Variants in ABCA12 observed in about 807,000 individuals in gnomAD.
ABCA12 encodes the protein ATP binding cassette subfamily A member 12, also known as glucosylceramide transporter ABCA12.
ABCA12 carries 156 observed loss-of-function variants against 293.5 expected under a neutral mutation model. The ratio of observed to expected loss-of-function variants is 0.53; its 90% CI spans 0.47 to 0.61. ABCA12 has a LOEUF of 0.61. ABCA12 is among the 20% of genes least tolerant of loss of function. The pLI is 0.00. For missense variants in ABCA12, 2,797 were observed against 3,090.2 expected (o/e 0.91, Z 2.25); for synonymous variants, 1,063 against 1,108.0 (o/e 0.96, Z 0.81).
intron 2 of ABCA12, among the ~76,000 whole-genome samples, chr2:215,088,275 C>T (rs1366990956): frequency 1.3e-5 from 2 of 152,052 alleles, no homozygotes; most frequent in South Asian, 2.1e-4. Flanking sequence ...TGAACTAAGA[C>T]AATTGTAGCA....
chr2:215,094,704 C>A (rs968179089), intron 2 of ABCA12, among the ~76,000 whole-genome samples: 5 of 152,148 alleles, frequency 3.3e-5, no homozygotes, highest in African/African-American at 1.2e-4. Context: ...ATACTCAGCC[C>A]CATGAATAGC....
chr2:214,936,938 G>GGA (rs1698238349), intron 51 of ABCA12, among the ~76,000 whole-genome samples: 1 of 147,704 alleles, frequency 6.8e-6, no homozygotes, highest in Non-Finnish European at 1.5e-5. Context: ...CCTTTGTGAG[G>GGA]AAAAAAAAAA....
rs757517407 is a variant in ABCA12 at position 214,970,335 on chromosome 2, G to A, written c.5628C>T (p.Asn1876=). Reference sequence around the variant, plus strand: ...AATTTTCCACTCGTTGCCCAGTGAGGTTATAAATTACCTGGGATGAGTAAG... The same window carrying A: ...AATTTTCCACTCGTTGCCCAGTGAGATTATAAATTACCTGGGATGAGTAAG... ...RRTYSSQVIY[N]LTGQRVENYL... The change falls in exon 37 of 53, where the codon AAC becomes AAT. Residue 1876 remains asparagine (N), a synonymous_variant. Transcript: ENST00000272895. 1 of 1,613,052 alleles carries A rather than the reference G, an allele frequency of 6.2e-7. No homozygotes were observed. Among genetic ancestry groups the A allele is most frequent in the Non-Finnish European group, 8.5e-7 (1 of 1,179,380 alleles).
At chr2:215,100,081 C>G (rs953573996) in intron 2 of ABCA12, among the ~76,000 whole-genome samples, 5 of 151,650 alleles carry the variant, frequency 3.3e-5, no homozygotes, top group Non-Finnish European at 5.9e-5. Context: ...GTGGCACAAT[C>G]ATGGCTCACT....
chr2:215,115,159 G>A (rs1260619441), intron 1 of ABCA12, among the ~76,000 whole-genome samples: 1 of 152,092 alleles, frequency 6.6e-6, no homozygotes, highest in Non-Finnish European at 1.5e-5. Context: ...GCCTATAAAC[G>A]AATCTATTAT....
intron 19 of ABCA12, among the ~76,000 whole-genome samples, chr2:215,007,095 G>A (rs1700271967): frequency 6.6e-6 from 1 of 151,988 alleles, no homozygotes. Flanking sequence ...GGCTGGTCTT[G>A]AACTCCCGAC....
intron 51 of ABCA12, among the ~76,000 whole-genome samples, chr2:214,937,234 T>C (rs1698248437): frequency 1.3e-5 from 2 of 152,224 alleles, no homozygotes. Context: ...AGTCTCGCTT[T>C]GTCACCCAGG....
rs370459817 is a variant in ABCA12 at position 215,037,020 on chromosome 2, G to C, written c.918C>G (p.Asn306Lys). The change falls in exon 8 of 53, where the codon AAC becomes AAG. Residue 306 changes from asparagine to lysine, a missense_variant. Asn to Lys is a moderately conservative substitution (Grantham distance 94, BLOSUM62 0). Coordinates refer to ENST00000272895, the MANE Select transcript of ABCA12 (RefSeq NM_173076.3). ...ACTTCTGGAGGGTTCTGAAACCTTC[G>C]TTAGTTGCAAAACGTGGATAAACCT... is the stretch of plus-strand genomic sequence containing the variant. ...VQKVYPRFAT[N>K]EGFRTLQKSV... 1 of 1,613,880 alleles carries C rather than the reference G, an allele frequency of 6.2e-7. No homozygotes were observed. Among genetic ancestry groups the C allele is most frequent in the African/African-American group, 1.3e-5 (1 of 75,026 alleles).
At chr2:214,959,833 AAAGTC>A (rs777176273) in intron 39 of ABCA12, among the ~76,000 whole-genome samples, 37 of 152,310 alleles carry the variant, frequency 2.4e-4, no homozygotes, top group Non-Finnish European at 5.0e-4. Context: ...TTGGTTAGCC[AAAGTC>A]AAGAATGAGC....
At chr2:214,991,864 C>T (rs894731955) in intron 23 of ABCA12, among the ~76,000 whole-genome samples, 2 of 152,000 alleles carry the variant, frequency 1.3e-5, no homozygotes, top group African/African-American at 4.8e-5. Flanking sequence ...CTGGGAACAT[C>T]ACACACCAGG....
chr2:215,060,124 C>T (rs1391597432), intron 3 of ABCA12, among the ~76,000 whole-genome samples: 1 of 152,022 alleles, frequency 6.6e-6, no homozygotes, highest in Non-Finnish European at 1.5e-5. Flanking sequence ...AACTATTCAC[C>T]ATTTGTTGTC....
rs34835810 is a variant in ABCA12 at position 215,105,601 on chromosome 2, G to GCACA, written c.163+5992_163+5995dup. On this transcript the variant is annotated intron_variant, in intron 2 of 52. Transcript: ENST00000272895. ...AAGACACACACACACACACACACAC[G>GCACA]CACACACACACACACACACACGCAC... Among the ~76,000 whole-genome samples, 1,044 of 138,424 alleles carry GCACA rather than the reference G, an allele frequency of 7.5e-3. 13 individuals carry two copies. Among genetic ancestry groups the GCACA allele is most frequent in the African/African-American group, 0.026 (973 of 36,806 alleles). 90.8% of individuals were successfully genotyped at this position (138,424 alleles called of 152,430 possible). A position where few individuals can be genotyped will look rare whatever the true frequency, so the allele number is the denominator to read the frequency against.
intron 10 of ABCA12, 137 bp from the exon 11 acceptor site, chr2:215,025,916 G>T: frequency 1.6e-6 from 1 of 627,704 alleles, no homozygotes; most frequent in Non-Finnish European, 2.8e-6. Flanking sequence ...AACATAAGAT[G>T]AATGAAAATT....
intron 50 of ABCA12, among the ~76,000 whole-genome samples, chr2:214,941,565 T>C (rs1324931625): frequency 6.6e-6 from 1 of 152,152 alleles, no homozygotes; most frequent in African/African-American, 2.4e-5. Context: ...AGTCTTCCCC[T>C]GTGATTGTGT....
intron 27 of ABCA12, 43 bp from the exon 28 acceptor site, chr2:214,986,771 G>A: frequency 6.5e-7 from 1 of 1,542,644 alleles, no homozygotes; most frequent in Admixed American, 1.7e-5. Context: ...CACAAGTAAG[G>A]TAATGCAGCT....
intron 3 of ABCA12, 131 bp from the exon 4 acceptor site, chr2:215,054,795 GGAA>G: frequency 2.9e-6 from 2 of 689,648 alleles, no homozygotes; most frequent in Non-Finnish European, 5.1e-6. Flanking sequence ...GGATTTTAAT[GGAA>G]GAATTCACCT....
intron 1 of ABCA12, among the ~76,000 whole-genome samples, chr2:215,133,410 G>A (rs556037145): frequency 2.0e-5 from 3 of 151,630 alleles, no homozygotes; most frequent in Non-Finnish European, 3.0e-5. Context: ...TAATGTGTAG[G>A]TTTGGTCACT....
intron 19 of ABCA12, chr2:215,004,749 C>T (rs1700217743): frequency 1.2e-5 from 2 of 172,490 alleles, no homozygotes; most frequent in Non-Finnish European, 2.5e-5. Context: ...TCTACTACTT[C>T]CTAGCCTGAA....
In ABCA12 at chr2:215,019,751, T is replaced by C. The variant is rs998945493; in HGVS notation, c.1333A>G (p.Thr445Ala). 6.2e-7 allele frequency: 1 copy of C among 1,613,918 alleles called. No homozygotes were observed. Among genetic ancestry groups the C allele is most frequent in the Non-Finnish European group, 8.5e-7 (1 of 1,180,032 alleles). Residue 445 changes from threonine to alanine, a missense_variant, in exon 12 of 53, where the codon ACT (threonine) becomes GCT (alanine). Physicochemically the swap from Thr to Ala is moderately conservative, Grantham distance 58. This residue lies in a region of ABCA12 where 656 missense variants were observed against 638.2 expected (regional missense o/e 1.03). Coordinates refer to ENST00000272895, the MANE Select transcript of ABCA12 (RefSeq NM_173076.3). ...NLTELLCESE[T>A]FSLIEKSCQL... The stretch of plus-strand genomic sequence containing the variant: ...CATGACTTCTCTATCAAACTGAAAG[T>C]TTCAGATTCACAAAGAAGTTCGGTC...
Sources: gnomAD v4.1 joint callset for allele counts (sites outside exome capture counted in the v4.1 genomes callset) on GRCh38, gnomAD v4.1.1 for gene constraint, gnomAD v4.1.1 regional missense constraint, MANE v1.5 for transcripts, NCBI Gene and HGNC (gene_info 2026-07-23, HGNC 2026-07-21) for gene names.